Variants in VWDE observed in about 807,000 individuals in gnomAD.
The protein encoded by VWDE is von Willebrand factor D and EGF domain-containing protein.
A neutral mutation model predicts 178.4 loss-of-function variants in VWDE; 207 were observed. The ratio of observed to expected loss-of-function variants is 1.16; its 90% CI spans 1.04 to 1.30. The LOEUF is 1.30. Among genes scored for constraint, VWDE ranks in the 50% most tolerant of loss-of-function variants. The pLI is 0.00. For synonymous variants in VWDE, 738 were observed against 651.4 expected (o/e 1.13, Z -2.02); for missense variants, 2,287 against 1,901.3 (o/e 1.20, Z -3.77).
chr7:12,403,832 T>A lies in VWDE; in HGVS notation c.-116A>T. ...TTCTTGGATTTTCTCAGTCTGTTGC[T>A]GCTTGGAACAGGGAAGCTCCGCGTC... On this transcript the variant is annotated 5_prime_UTR_variant, in exon 1 of 29. Transcript: ENST00000275358. 8.8e-7 allele frequency: 1 copy of A among 1,141,938 alleles called. No individual in the cohort carries two copies. The highest frequency in any genetic ancestry group is 1.3e-6 in the Non-Finnish European group (1 of 793,086). 70.7% of individuals were successfully genotyped at this position (1,141,938 alleles called of 1,614,324 possible).
intron 27 of VWDE, chr7:12,333,772 T>C (rs2128543466): frequency 2.6e-6 from 1 of 385,782 alleles, no homozygotes; most frequent in Non-Finnish European, 4.6e-6. Flanking sequence ...GCACCCAAAA[T>C]TCAAACAACA....
chr7:12,361,541 A>T lies in VWDE; in HGVS notation c.2899-20T>A. The T allele has an allele frequency of 6.7e-7, 1 of 1,493,738 alleles. No homozygotes were observed. 92.5% of individuals were successfully genotyped at this position (1,493,738 alleles called of 1,614,324 possible). A position where few individuals can be genotyped will look rare whatever the true frequency, so the allele number is the denominator to read the frequency against. On this transcript the variant is annotated intron_variant, in intron 13 of 28. Transcript: ENST00000275358. ...ATTATACTGAAGACATAGTGAGAAA[A>T]AAATTAACCTCTGTTAAATTATGGA...
chr7:12,383,221 T>C (rs1783940751), intron 4 of VWDE, among the ~76,000 whole-genome samples: 1 of 152,094 alleles, frequency 6.6e-6, no homozygotes, highest in Admixed American at 6.5e-5. Context: ...AATAGTTCTC[T>C]AAGACATATT....
chr7:12,340,444 A>C (rs1206675686), intron 23 of VWDE, 27 bp from the exon 24 acceptor site: 2 of 1,494,582 alleles, frequency 1.3e-6, no homozygotes, highest in Non-Finnish European at 1.8e-6. Context: ...GGAAAAGAGA[A>C]CATAAAAGTT....
chr7:12,381,703 C>T (rs1783861542), intron 4 of VWDE, among the ~76,000 whole-genome samples: 1 of 151,736 alleles, frequency 6.6e-6, no homozygotes, highest in African/African-American at 2.4e-5. Context: ...TATATTCGAA[C>T]TTGAAGGAAA....
chr7:12,336,101 A>G (rs1364967275), intron 27 of VWDE, 40 bp downstream of exon 27: 5 of 1,500,718 alleles, frequency 3.3e-6, no homozygotes, highest in Non-Finnish European at 4.5e-6. Flanking sequence ...ACAGATTCCA[A>G]TTCAGAACAT....
chr7:12,387,756 A>T (rs1784175652), intron 3 of VWDE, among the ~76,000 whole-genome samples: 1 of 152,138 alleles, frequency 6.6e-6, no homozygotes, highest in African/African-American at 2.4e-5. Context: ...TTACCCATAT[A>T]ATCATCATTG....
At chr7:12,390,430 C>T (rs1464521464) in intron 2 of VWDE, among the ~76,000 whole-genome samples, 1 of 151,858 alleles carries the variant, frequency 6.6e-6, no homozygotes, top group South Asian at 2.1e-4. Context: ...GTATATAATG[C>T]AACTTCTACA....
chr7:12,364,195 C>T (rs1782734503), intron 13 of VWDE, among the ~76,000 whole-genome samples: 1 of 151,906 alleles, frequency 6.6e-6, no homozygotes, highest in Non-Finnish European at 1.5e-5. Flanking sequence ...GATAGATAAA[C>T]CGATAGATAG....
At chr7:12,334,354 T>C (rs183433137) in intron 27 of VWDE, among the ~76,000 whole-genome samples, 91 of 152,268 alleles carry the variant, frequency 6.0e-4, no homozygotes, top group African/African-American at 2.1e-3. Flanking sequence ...TTATATATAA[T>C]AGTTATTTTT....
intron 15 of VWDE, 133 bp downstream of exon 15, chr7:12,361,014 T>C (rs565140869): frequency 1.3e-5 from 7 of 552,458 alleles, no homozygotes; most frequent in African/African-American, 1.2e-4. Context: ...TTAACTTATA[T>C]AAACTTGAGG....
At chr7:12,390,164 CA>C (rs200320227) in intron 2 of VWDE, among the ~76,000 whole-genome samples, 188 of 105,550 alleles carry the variant, frequency 1.8e-3, no homozygotes, top group Admixed American at 2.0e-3. Context: ...GACTCCATCT[CA>C]AAAAAAAAAA....
chr7:12,339,410 T>C (rs528531675), intron 24 of VWDE, among the ~76,000 whole-genome samples: 43 of 152,266 alleles, frequency 2.8e-4, no homozygotes, highest in Non-Finnish European at 5.6e-4. Flanking sequence ...TCTTCTAGTT[T>C]TCAAGATTTC....
chr7:12,374,956 T>C, intron 8 of VWDE, 54 bp downstream of exon 8: 2 of 1,484,594 alleles, frequency 1.3e-6, no homozygotes, highest in Non-Finnish European at 1.8e-6. Context: ...AATGATAAAA[T>C]ACACATTTCT....
At chr7:12,349,360 T>G (rs1428227379) in intron 19 of VWDE, among the ~76,000 whole-genome samples, 4 of 151,238 alleles carry the variant, frequency 2.6e-5, no homozygotes, top group African/African-American at 9.7e-5. Flanking sequence ...CTTCTTCATA[T>G]AATAAAATAA....
At chr7:12,341,143 T>TCC (rs541900868) in intron 23 of VWDE, among the ~76,000 whole-genome samples, 2,835 of 152,300 alleles carry the variant, frequency 0.019, 83 homozygotes, top group African/African-American at 0.064. Flanking sequence ...TATAATTTTA[T>TCC]AATTTTATAA....
chr7:12,369,940 T>C lies in VWDE; in HGVS notation c.2366A>G (p.Gln789Arg), dbSNP rs1442841042. The change falls in exon 12 of 29, where the codon CAA (glutamine) becomes CGA (arginine). Residue 789 changes from glutamine (Q) to arginine (R), a missense_variant. Coordinates refer to ENST00000275358, the MANE Select transcript of VWDE (RefSeq NM_001135924.3). ...AGTGGGCCAAGAGGGGAAAAACTCT[T>C]GCTGTACATCCTCAGCATGGTCCTC... ...FPEDHAEDVQQEFFPSWPTPS... is the reference protein window; with the variant it reads ...FPEDHAEDVQREFFPSWPTPS... 1.9e-6 allele frequency: 3 copies of C among 1,551,344 alleles called. No individual in the cohort carries two copies. The highest frequency in any genetic ancestry group is 2.7e-5 in the African/African-American group (2 of 73,006).
chr7:12,372,567 T>C (rs1186935994), intron 10 of VWDE, among the ~76,000 whole-genome samples: 3 of 152,062 alleles, frequency 2.0e-5, no homozygotes, highest in Non-Finnish European at 4.4e-5. Context: ...TTAGTGAATA[T>C]ATAATCTTAG....
chr7:12,380,598 G>A lies in VWDE; in HGVS notation c.677C>T (p.Ala226Val). Residue 226 changes from alanine to valine, a missense_variant, in exon 5 of 29, where the codon GCT becomes GTT. Coordinates refer to ENST00000275358, the MANE Select transcript of VWDE (RefSeq NM_001135924.3). ...TTCTTGAGAAGAAAGCCTAGACCAA[G>A]CTATGTGAAATCCCACTGAGTTTTT... Reference protein sequence around the residue: ...ATKNSVGFHIAWSRLSSQEVK... With the variant: ...ATKNSVGFHIVWSRLSSQEVK... 6.4e-7 allele frequency: 1 copy of A among 1,552,322 alleles called. No individual in the cohort carries two copies. The highest frequency in any genetic ancestry group is 8.7e-7 in the Non-Finnish European group (1 of 1,147,146).
Sources: allele counts gnomAD v4.1 joint callset (sites outside exome capture counted in the v4.1 genomes callset), GRCh38; gene constraint gnomAD v4.1.1; transcripts MANE v1.5; gene names NCBI Gene and HGNC (gene_info 2026-07-23, HGNC 2026-07-21).